GPC3: variants seen among roughly 807,000 people sequenced by gnomAD.
GPC3 encodes glypican 3, also known as glypican-3.
A neutral mutation model predicts 34.4 loss-of-function variants in GPC3; 3 were observed. That is an observed-to-expected ratio of 0.09 (90% confidence interval 0.04 to 0.23). GPC3 has a LOEUF of 0.23. Among genes scored for constraint, GPC3 ranks in the 10% least tolerant of loss-of-function variants. The pLI is 1.00. For missense variants in GPC3, 351 were observed against 445.6 expected (o/e 0.79, Z 1.91); for synonymous variants, 177 against 174.0 (o/e 1.02, Z -0.13).
At chrX:133,850,967 G>C (rs769159148) in intron 2 of GPC3, among the ~76,000 whole-genome samples, 1 of 110,206 alleles carries the variant, frequency 9.1e-6, no homozygotes, top group South Asian at 4.0e-4. Flanking sequence ...AGCTAGGCGT[G>C]GTGGCGGGCG....
intron 7 of GPC3, among the ~76,000 whole-genome samples, chrX:133,562,624 C>T (rs187570071): frequency 9.1e-6 from 1 of 110,299 alleles, no homozygotes; most frequent in Non-Finnish European, 1.9e-5. Context: ...GAGTGAGAAT[C>T]GGTGTCAAAA....
intron 7 of GPC3, among the ~76,000 whole-genome samples, chrX:133,587,416 G>T (rs1168650272): frequency 8.9e-6 from 1 of 112,154 alleles, no homozygotes; most frequent in Admixed American, 9.5e-5. Context: ...TGGGGGTGCA[G>T]ATGTCTCTTC....
chrX:133,648,630 A>G (rs1178405387), intron 6 of GPC3, among the ~76,000 whole-genome samples: 1 of 111,643 alleles, frequency 9.0e-6, no homozygotes, highest in Non-Finnish European at 1.9e-5. Context: ...AGTAAAGCTC[A>G]GATTCCTTAG....
At chrX:133,889,828 CTTCTTTT>C (rs1196798710) in intron 2 of GPC3, among the ~76,000 whole-genome samples, 1 of 97,843 alleles carries the variant, frequency 1.0e-5, no homozygotes, top group Non-Finnish European at 2.0e-5. Context: ...CGATTCTAGC[CTTCTTTT>C]TTTTTTTTTT....
intron 2 of GPC3, among the ~76,000 whole-genome samples, chrX:133,854,835 G>C (rs750546805): frequency 1.8e-5 from 2 of 111,855 alleles, no homozygotes; most frequent in African/African-American, 3.2e-5. Flanking sequence ...ATAAACTATG[G>C]TGCGTCCATA....
chrX:133,748,087 G>A (rs1002070317), intron 3 of GPC3, among the ~76,000 whole-genome samples: 1 of 112,070 alleles, frequency 8.9e-6, no homozygotes, highest in Admixed American at 9.4e-5. Context: ...GAAAGTTTTG[G>A]GAAAGTTTCC....
chrX:133,780,506 C>T (rs1474670791), intron 2 of GPC3, among the ~76,000 whole-genome samples: 3 of 111,667 alleles, frequency 2.7e-5, no homozygotes, highest in East Asian at 2.8e-4. Context: ...TACCCTGACT[C>T]GAAGGTAATG....
intron 6 of GPC3, among the ~76,000 whole-genome samples, chrX:133,600,094 G>A (rs952132812): frequency 9.0e-6 from 1 of 111,674 alleles, no homozygotes; most frequent in African/African-American, 3.3e-5. Flanking sequence ...ACCATCCTGT[G>A]AGCTGCCCAG....
chrX:133,829,825 G>C (rs1332943956), intron 2 of GPC3, among the ~76,000 whole-genome samples: 10 of 111,880 alleles, frequency 8.9e-5, no homozygotes, highest in Non-Finnish European at 1.3e-4. Context: ...ATTACATAAT[G>C]ATAAAAGAGT....
At chrX:133,622,543 G>A (rs1052375874) in intron 6 of GPC3, among the ~76,000 whole-genome samples, 5 of 112,014 alleles carry the variant, frequency 4.5e-5, no homozygotes, top group African/African-American at 1.6e-4. Flanking sequence ...TTTAGTAGCC[G>A]ATTCGATCAA....
rs761250396 is a variant in GPC3 at position 133,958,885 on chromosome X, C to T, written c.176-5674G>A. On this transcript the variant is annotated intron_variant, in intron 1 of 7. Coordinates refer to ENST00000370818, the MANE Select transcript of GPC3 (RefSeq NM_004484.4). ...TGGGAGACAGAGTGAGACTTCGTCTCGAAAAAAAAAAAAAAAAAATTCCAA... is the reference window on the plus strand; with the variant it reads ...TGGGAGACAGAGTGAGACTTCGTCTTGAAAAAAAAAAAAAAAAAATTCCAA... 3.6e-4 allele frequency among the ~76,000 whole-genome samples: 32 copies of T among 87,809 alleles called. 2 individuals are homozygous for T. The East Asian group carries it at 7.8e-3, about 21-fold the overall frequency. 76.3% of individuals were successfully genotyped at this position (87,809 alleles called of 115,157 possible).
chrX:133,978,832 G>A (rs2076526928), intron 1 of GPC3, among the ~76,000 whole-genome samples: 1 of 111,948 alleles, frequency 8.9e-6, no homozygotes, highest in Admixed American at 9.5e-5. Flanking sequence ...GATGATCACA[G>A]TCTAGTAGGG....
intron 2 of GPC3, among the ~76,000 whole-genome samples, chrX:133,869,665 T>C (rs1032304365): frequency 2.7e-5 from 3 of 111,916 alleles, no homozygotes; most frequent in South Asian, 3.7e-4. Flanking sequence ...GAGTACTGGG[T>C]GGCCGGGCAT....
intron 2 of GPC3, among the ~76,000 whole-genome samples, chrX:133,910,545 G>C (rs771076579): frequency 1.8e-5 from 2 of 111,931 alleles, no homozygotes; most frequent in East Asian, 5.6e-4. Flanking sequence ...GATCTTCATA[G>C]TTCCTTCTCA....
chrX:133,642,588 A>G (rs937596441), intron 6 of GPC3, among the ~76,000 whole-genome samples: 5 of 109,900 alleles, frequency 4.5e-5, no homozygotes, highest in South Asian at 8.0e-4. Flanking sequence ...CCTGACCAAC[A>G]TGGAGAAACC....
intron 3 of GPC3, among the ~76,000 whole-genome samples, chrX:133,743,162 C>T (rs1485274624): frequency 8.9e-6 from 1 of 112,948 alleles, no homozygotes; most frequent in African/African-American, 3.2e-5. Flanking sequence ...GCTCAGCACT[C>T]AGCACTCAGA....
At chrX:133,889,031 C>A (rs2076074292) in intron 2 of GPC3, among the ~76,000 whole-genome samples, 1 of 112,125 alleles carries the variant, frequency 8.9e-6, no homozygotes, top group South Asian at 3.7e-4. Context: ...GTAAATGGAA[C>A]ACAGATTTAA....
chrX:133,757,973 G>A (rs768854489), intron 2 of GPC3, among the ~76,000 whole-genome samples: 9 of 111,574 alleles, frequency 8.1e-5, no homozygotes, highest in Non-Finnish European at 1.7e-4. Flanking sequence ...GATCATTAGA[G>A]AAATGCAAAT....
At chrX:133,952,148 G>T (rs753965294) in intron 2 of GPC3, among the ~76,000 whole-genome samples, 16 of 110,837 alleles carry the variant, frequency 1.4e-4, no homozygotes, top group Non-Finnish European at 1.7e-4. Context: ...ATAGTTAAAA[G>T]AATAGACTCT....
Sources: gnomAD v4.1 joint callset for allele counts (sites outside exome capture counted in the v4.1 genomes callset) on GRCh38, gnomAD v4.1.1 for gene constraint, MANE v1.5 for transcripts, NCBI Gene and HGNC (gene_info 2026-07-23, HGNC 2026-07-21) for gene names.